ZNF337: variants seen among roughly 807,000 people sequenced by gnomAD.
ZNF337 encodes the protein zinc finger protein 337.
In ZNF337, 8 loss-of-function variants were observed where a neutral mutation model predicts 12.1. The ratio of observed to expected loss-of-function variants is 0.66; its 90% CI spans 0.39 to 1.19. The LOEUF is 1.19. Ranked by LOEUF, ZNF337 falls within the 50% of genes most tolerant of loss-of-function variation. The probability of loss-of-function intolerance (pLI) is 0.01; values close to 1 mark genes in which losing one functional copy is unlikely to be tolerated. For missense variants in ZNF337, 882 were observed against 896.6 expected (o/e 0.98, Z 0.21); for synonymous variants, 336 against 320.0 (o/e 1.05, Z -0.53).
chr20:25,681,634 T>C (rs6050786), intron 4 of ZNF337, among the ~76,000 whole-genome samples: 4,509 of 152,208 alleles, frequency 0.03, 219 homozygotes, highest in African/African-American at 0.099. Context: ...TTTTCTCTGG[T>C]GGACGTGGGG....
chr20:25,696,545 G>C (rs1449635596), intron 1 of ZNF337, among the ~76,000 whole-genome samples: 1 of 152,196 alleles, frequency 6.6e-6, no homozygotes, highest in African/African-American at 2.4e-5. Flanking sequence ...ACTGAGTGGC[G>C]GCCCAGACCC....
In ZNF337 at chr20:25,676,493, C is replaced by G; in HGVS notation, c.795G>C (p.Leu265=). The part of the protein sequence containing the change: ...QRTHSGEKPF[L]CKVCGRGYTS... ...TATAGCCTCGTCCACACACCTTGCA[C>G]AGAAAAGGCTTCTCTCCTGAGTGTG... Residue 265 remains leucine (L), a synonymous_variant, in exon 5 of 5, where the codon CTG becomes CTC. Coordinates refer to ENST00000252979, the MANE Select transcript of ZNF337 (RefSeq NM_015655.4). 1.2e-6 allele frequency: 2 copies of G among 1,613,158 alleles called. No homozygotes were observed. Among genetic ancestry groups the G allele is most frequent in the Non-Finnish European group, 1.7e-6 (2 of 1,179,746 alleles).
chr20:25,690,184 TTGA>T (rs2065872847), intron 1 of ZNF337, among the ~76,000 whole-genome samples: 1 of 152,164 alleles, frequency 6.6e-6, no homozygotes, highest in African/African-American at 2.4e-5. Flanking sequence ...TACTCCTGGC[TTGA>T]GCCCAAGAGG....
chr20:25,677,372 A>G (rs892008874), intron 4 of ZNF337: 1 of 217,708 alleles, frequency 4.6e-6, no homozygotes, highest in African/African-American at 2.3e-5. Context: ...AAGATAATAC[A>G]CCATGATCAA....
At chr20:25,677,145 GAAC>G (rs1363764160) in intron 4 of ZNF337, 108 bp from the exon 5 acceptor site, 3 of 955,524 alleles carry the variant, frequency 3.1e-6, no homozygotes, top group Non-Finnish European at 4.5e-6. Context: ...AACTCATAAA[GAAC>G]AACAAACACC....
At position 25,685,584 on chromosome 20, in the gene ZNF337, C is replaced by T. The variant is rs1437443287; in HGVS notation, c.233G>A (p.Arg78Gln). 22 of 1,614,120 alleles carry T rather than the reference C, an allele frequency of 1.4e-5. No individual in the cohort carries two copies. Among genetic ancestry groups the T allele is most frequent in the South Asian group, 3.3e-5 (3 of 91,084 alleles). ...CCCCTCACCTGCACAGGGGCCTGGC[C>T]GGCGTCTTCTCTCTTCTCCCCAGGG... is the stretch of plus-strand genomic sequence containing the variant. ...EVPWGEERRR[R>Q]PGPCAGIYAE... The change falls in exon 4 of 5, where the codon CGG (arginine) becomes CAG (glutamine). Residue 78 changes from arginine (R) to glutamine (Q), a missense_variant. Coordinates refer to ENST00000252979, the MANE Select transcript of ZNF337 (RefSeq NM_015655.4).
intron 4 of ZNF337, among the ~76,000 whole-genome samples, chr20:25,682,196 T>C (rs781245471): frequency 6.6e-6 from 1 of 152,160 alleles, no homozygotes; most frequent in Admixed American, 6.5e-5. Flanking sequence ...CTAATATTAA[T>C]ATTAAACGAA....
In ZNF337 at chr20:25,675,502, CT is replaced by C. The variant is rs781215931; in HGVS notation, c.1785del (p.Glu597ArgfsTer20). The part of the protein sequence containing the change: ...STLLFHQKTH[S>X]GEKPFICSEC... ...TCACTACAGATGAAAGGCTTCTCCC[CT>C]GAGTGTGTCTTCTGGTGGAAGAGGA... On this transcript the variant is annotated frameshift_variant, in exon 5 of 5. Transcript: ENST00000252979. LOFTEE classifies it low-confidence loss of function (END_TRUNC). 1 of 1,614,184 alleles carries C rather than the reference CT, an allele frequency of 6.2e-7. No individual in the cohort carries two copies. Among genetic ancestry groups the C allele is most frequent in the Admixed American group, 1.7e-5 (1 of 60,022 alleles).
intron 4 of ZNF337, 104 bp downstream of exon 4, chr20:25,685,463 C>T: frequency 1.1e-6 from 1 of 913,500 alleles, no homozygotes; most frequent in African/African-American, 1.7e-5. Flanking sequence ...GAAGAGCAGC[C>T]AAGGAGGCCA....
intron 4 of ZNF337, chr20:25,680,836 A>G (rs2065759849): frequency 6.6e-6 from 1 of 152,224 alleles, no homozygotes; most frequent in Admixed American, 6.5e-5. Flanking sequence ...AACCTCACTT[A>G]TGAGTTAAAT....
At position 25,675,330 on chromosome 20, in the gene ZNF337, TC is replaced by T. The variant is rs750492365; in HGVS notation, c.1957del (p.Glu653ArgfsTer80). On this transcript the variant is annotated frameshift_variant, in exon 5 of 5. Transcript: ENST00000252979. LOFTEE classifies it low-confidence loss of function (END_TRUNC). ...ACACACATTACACACGAAGGGCTTC[TC>T]CCCTGAGTGTGTCCTCTGGTGTGTG... ...LLTHQRTHSG[E>X]KPFVCNVCGQ... 6.2e-7 allele frequency: 1 copy of T among 1,614,192 alleles called. No individual in the cohort carries two copies. The highest frequency in any genetic ancestry group is 8.5e-7 in the Non-Finnish European group (1 of 1,180,020).
intron 1 of ZNF337, among the ~76,000 whole-genome samples, chr20:25,689,776 C>A (rs2065869343): frequency 6.6e-6 from 1 of 152,174 alleles, no homozygotes; most frequent in Non-Finnish European, 1.5e-5. Context: ...TGGATGAAGG[C>A]AACATGGGGA....
chr20:25,683,963 A>T (rs1273835320), intron 4 of ZNF337, among the ~76,000 whole-genome samples: 2 of 152,090 alleles, frequency 1.3e-5, no homozygotes, highest in African/African-American at 4.8e-5. Context: ...CAAATGTCCA[A>T]CAATGATAGA....
intron 4 of ZNF337, among the ~76,000 whole-genome samples, chr20:25,684,870 C>T (rs1033239976): frequency 8.0e-5 from 12 of 150,056 alleles, no homozygotes; most frequent in African/African-American, 1.2e-4. Context: ...CAGAGTAACA[C>T]AAGAAGAGAA....
chr20:25,688,856 C>T (rs181357569), intron 1 of ZNF337, among the ~76,000 whole-genome samples: 21 of 152,212 alleles, frequency 1.4e-4, no homozygotes, highest in African/African-American at 2.2e-4. Flanking sequence ...CTGCCGGGCG[C>T]GGTGGCTCAC....
chr20:25,683,754 G>A (rs1165959900), intron 4 of ZNF337, among the ~76,000 whole-genome samples: 1 of 152,142 alleles, frequency 6.6e-6, no homozygotes, highest in Non-Finnish European at 1.5e-5. Context: ...CACTGTTGGT[G>A]GGACTGTAAA....
chr20:25,676,794 A>G lies in ZNF337; in HGVS notation c.494T>C (p.Ile165Thr), dbSNP rs768499896. ...TTCTATTCCTTTCAATACTTTGTCT[A>G]TTTCTGTAGGATTTTCCCTCTGGCC... ...SQGQRENPTEIDKVLKGIENS... is the reference protein window; with the variant it reads ...SQGQRENPTETDKVLKGIENS... The change falls in exon 5 of 5, where the codon ATA becomes ACA. Residue 165 changes from isoleucine to threonine, a missense_variant. Physicochemically the swap from Ile to Thr is moderately conservative, Grantham distance 89. Transcript: ENST00000252979. 12 of 1,613,882 alleles carry G rather than the reference A, an allele frequency of 7.4e-6. No individual in the cohort carries two copies. The highest frequency in any genetic ancestry group is 5.0e-5 in the Admixed American group (3 of 60,000).
chr20:25,696,186 G>T (rs1045125310), intron 1 of ZNF337, among the ~76,000 whole-genome samples: 1 of 151,414 alleles, frequency 6.6e-6, no homozygotes, highest in East Asian at 2.0e-4. Flanking sequence ...CCAAGGCGGG[G>T]TGCTCCCAAC....
At position 25,675,841 on chromosome 20, in the gene ZNF337, A is replaced by C; in HGVS notation, c.1447T>G (p.Ser483Ala). 6.2e-7 allele frequency: 1 copy of C among 1,614,096 alleles called. No homozygotes were observed. The highest frequency in any genetic ancestry group is 1.1e-5 in the South Asian group (1 of 91,082). Reference sequence around the variant, plus strand: ...CGACATCCATAAGGCTTCTCCTCTGAGTGTGTCCTCTGGTGTAAAGTGAAG... The same window carrying C: ...CGACATCCATAAGGCTTCTCCTCTGCGTGTGTCCTCTGGTGTAAAGTGAAG... ...STFTLHQRTH[S>A]EEKPYGCREC... Residue 483 changes from serine (S) to alanine (A), a missense_variant, in exon 5 of 5, where the codon TCA (serine) becomes GCA (alanine). Coordinates refer to ENST00000252979, the MANE Select transcript of ZNF337 (RefSeq NM_015655.4).
Sources: allele counts gnomAD v4.1 joint callset (sites outside exome capture counted in the v4.1 genomes callset), GRCh38; gene constraint gnomAD v4.1.1; transcripts MANE v1.5; gene names NCBI Gene and HGNC (gene_info 2026-07-23, HGNC 2026-07-21).